The following AGBL4 variants were observed in gnomAD, a reference collection of about 807,000 sequenced individuals.
AGBL4 encodes cytosolic carboxypeptidase 6.
Under a neutral mutation model 66.4 loss-of-function variants are expected in AGBL4, and 58 were observed. The observed-to-expected ratio is 0.87, with a 90% confidence interval of 0.71 to 1.09. The LOEUF is 1.09. Ranked by LOEUF, AGBL4 falls within the 50% of genes least tolerant of loss-of-function variation. The pLI, the probability that AGBL4 is intolerant of heterozygous loss-of-function variation, is 0.00. For missense variants in AGBL4, 579 were observed against 631.0 expected (o/e 0.92, Z 0.88); for synonymous variants, 234 against 222.9 (o/e 1.05, Z -0.44).
chr1:49,227,304 T>C (rs1649988784), intron 4 of AGBL4, among the ~76,000 whole-genome samples: 1 of 152,234 alleles, frequency 6.6e-6, no homozygotes, highest in South Asian at 2.1e-4. Flanking sequence ...AGGCATTCAA[T>C]GATAACATGT....
At chr1:49,973,766 T>G (rs954430847) in intron 1 of AGBL4, among the ~76,000 whole-genome samples, 1 of 150,510 alleles carries the variant, frequency 6.6e-6, no homozygotes, top group Non-Finnish European at 1.5e-5. Flanking sequence ...ATTTATATCT[T>G]ATATTCCTAA....
chr1:49,395,817 A>ATATATATATGTG (rs1644956571), intron 3 of AGBL4, among the ~76,000 whole-genome samples: 1 of 82,192 alleles, frequency 1.2e-5, no homozygotes, highest in African/African-American at 5.4e-5. Context: ...ATATGTATAC[A>ATATATATATGTG]TATATATATA....
chr1:49,609,328 A>G (rs992204873), intron 3 of AGBL4, among the ~76,000 whole-genome samples: 1 of 152,188 alleles, frequency 6.6e-6, no homozygotes, highest in African/African-American at 2.4e-5. Flanking sequence ...AGGAATAAAA[A>G]TCACCAACAA....
chr1:49,793,860 C>G (rs1644665574), intron 2 of AGBL4, among the ~76,000 whole-genome samples: 1 of 151,690 alleles, frequency 6.6e-6, no homozygotes, highest in Non-Finnish European at 1.5e-5. Flanking sequence ...TAAAAGAGAT[C>G]AATAGGGGGT....
intron 4 of AGBL4, among the ~76,000 whole-genome samples, chr1:49,199,904 T>C (rs963780004): frequency 6.6e-6 from 1 of 152,138 alleles, no homozygotes; most frequent in East Asian, 1.9e-4. Context: ...ATTCCCTTGC[T>C]CCTCCTCAGA....
At chr1:49,449,322 A>T (rs939022214) in intron 3 of AGBL4, among the ~76,000 whole-genome samples, 4 of 152,058 alleles carry the variant, frequency 2.6e-5, no homozygotes, top group Non-Finnish European at 5.9e-5. Context: ...AGATTTTTTG[A>T]TAGGGAGGAG....
chr1:48,631,362 ACCAGCACTGTG>A (rs1645589608), intron 9 of AGBL4, among the ~76,000 whole-genome samples: 1 of 152,194 alleles, frequency 6.6e-6, no homozygotes, highest in African/African-American at 2.4e-5. Context: ...TCTGCTGTAC[ACCAGCACTGTG>A]CTAGGTGTTT....
At chr1:49,480,682 C>A (rs1646938144) in intron 3 of AGBL4, among the ~76,000 whole-genome samples, 1 of 151,852 alleles carries the variant, frequency 6.6e-6, no homozygotes, top group Admixed American at 6.6e-5. Flanking sequence ...GTTGTAATTC[C>A]TTTGGTGTCT....
chr1:49,902,401 T>C (rs1649844858), intron 1 of AGBL4, among the ~76,000 whole-genome samples: 1 of 152,162 alleles, frequency 6.6e-6, no homozygotes, highest in South Asian at 2.1e-4. Context: ...AAAGAATACA[T>C]ACATGCAGCC....
chr1:49,772,657 A>G (rs768083363), intron 2 of AGBL4, among the ~76,000 whole-genome samples: 1 of 152,146 alleles, frequency 6.6e-6, no homozygotes, highest in African/African-American at 2.4e-5. Context: ...TTCTTTCAGC[A>G]CTTTGAATAT....
chr1:49,837,588 T>A (rs1456225573), intron 2 of AGBL4, among the ~76,000 whole-genome samples: 1 of 152,200 alleles, frequency 6.6e-6, no homozygotes, highest in Non-Finnish European at 1.5e-5. Flanking sequence ...GGCTCACACC[T>A]GTAATCCCAG....
At chr1:49,834,978 T>C (rs1346627950) in intron 2 of AGBL4, among the ~76,000 whole-genome samples, 4 of 152,336 alleles carry the variant, frequency 2.6e-5, no homozygotes, top group African/African-American at 7.2e-5. Context: ...TGCTGAGGAA[T>C]GTTTTACTTC....
chr1:48,761,571 C>A, intron 6 of AGBL4: 2 of 1,246,484 alleles, frequency 1.6e-6, no homozygotes. Flanking sequence ...TAATTGAGGC[C>A]AGACCAGTTA....
intron 3 of AGBL4, among the ~76,000 whole-genome samples, chr1:49,539,657 T>C (rs1232689571): frequency 1.3e-5 from 2 of 152,196 alleles, no homozygotes; most frequent in African/African-American, 2.4e-5. Flanking sequence ...CGCATATTTA[T>C]ATACAACCCT....
chr1:49,271,746 A>C (rs1644065311), intron 3 of AGBL4, among the ~76,000 whole-genome samples: 1 of 151,884 alleles, frequency 6.6e-6, no homozygotes, highest in Admixed American at 6.6e-5. Context: ...GTACTACATA[A>C]AAAATCTAAA....
rs559920958 is a variant in AGBL4 at position 49,725,602 on chromosome 1, A to T, written c.158-28165T>A. 2.0e-5 allele frequency among the ~76,000 whole-genome samples: 3 copies of T among 151,734 alleles called. No individual in the cohort carries two copies. In the South Asian group the frequency reaches 6.2e-4, roughly 32 times the overall value. On this transcript the variant is annotated intron_variant, in intron 2 of 13. Coordinates refer to ENST00000371839, the MANE Select transcript of AGBL4 (RefSeq NM_032785.4). The stretch of plus-strand genomic sequence containing the variant: ...CCTGTTCTTATGGCAAATCACCAGC[A>T]TGCTAAAGCCAAATTACTCAAAAAG...
chr1:49,277,737 GAAA>G (rs67290360), intron 3 of AGBL4, among the ~76,000 whole-genome samples: 3 of 141,310 alleles, frequency 2.1e-5, no homozygotes, highest in Non-Finnish European at 3.1e-5. Flanking sequence ...TGGCATAGCT[GAAA>G]AAAAAAAAAA....
intron 1 of AGBL4, among the ~76,000 whole-genome samples, chr1:49,876,847 G>C (rs1307662259): frequency 6.7e-6 from 1 of 149,724 alleles, no homozygotes; most frequent in African/African-American, 2.5e-5. Context: ...CCAGTGGTTT[G>C]TAGTTCTCCT....
chr1:49,157,581 C>T (rs2148132549), intron 4 of AGBL4, among the ~76,000 whole-genome samples: 1 of 152,162 alleles, frequency 6.6e-6, no homozygotes, highest in South Asian at 2.1e-4. Flanking sequence ...ATTTATAATC[C>T]ATTGGGTATA....
Sources: allele counts gnomAD v4.1 joint callset (sites outside exome capture counted in the v4.1 genomes callset), GRCh38; gene constraint gnomAD v4.1.1; transcripts MANE v1.5; gene names NCBI Gene and HGNC (gene_info 2026-07-23, HGNC 2026-07-21).